Variants in LRP1B observed in about 807,000 individuals in gnomAD.
LRP1B encodes low-density lipoprotein receptor-related protein 1B.
Under a neutral mutation model 556.6 loss-of-function variants are expected in LRP1B, and 217 were observed. The observed-to-expected ratio is 0.39, with a 90% CI of 0.35 to 0.44. LRP1B has a LOEUF of 0.44. Ranked by LOEUF, LRP1B falls within the 20% of genes least tolerant of loss-of-function variation. The pLI is 1.00. For missense variants in LRP1B, 5,053 were observed against 5,620.8 expected (o/e 0.90, Z 3.23); for synonymous variants, 2,047 against 1,865.8 (o/e 1.10, Z -2.50).
chr2:140,973,210 C>T (rs928002075), intron 18 of LRP1B, among the ~76,000 whole-genome samples: 3 of 151,512 alleles, frequency 2.0e-5, no homozygotes, highest in Non-Finnish European at 4.4e-5. Flanking sequence ...ACTATAGCTA[C>T]AGAATTCTAA....
At chr2:140,932,316 AGCAAGCT>A (rs1695073580) in intron 20 of LRP1B, among the ~76,000 whole-genome samples, 1 of 152,156 alleles carries the variant, frequency 6.6e-6, no homozygotes, top group African/African-American at 2.4e-5. Flanking sequence ...ATGAGGGGTC[AGCAAGCT>A]GCAACCTGCA....
intron 7 of LRP1B, among the ~76,000 whole-genome samples, chr2:141,161,470 T>C (rs1680031354): frequency 1.3e-5 from 2 of 152,130 alleles, no homozygotes; most frequent in South Asian, 4.1e-4. Flanking sequence ...ATATCAGAAA[T>C]AATGAAGTCA....
At chr2:141,482,704 G>T (rs961851959) in intron 2 of LRP1B, among the ~76,000 whole-genome samples, 7 of 151,900 alleles carry the variant, frequency 4.6e-5, no homozygotes, top group Non-Finnish European at 1.0e-4. Context: ...AAACTTCTAT[G>T]ACCAACATCA....
chr2:141,195,088 A>T (rs947333650), intron 6 of LRP1B, among the ~76,000 whole-genome samples: 2 of 152,146 alleles, frequency 1.3e-5, no homozygotes, highest in Non-Finnish European at 2.9e-5. Flanking sequence ...TTGTTCTTCT[A>T]CTGAACAGAA....
intron 5 of LRP1B, among the ~76,000 whole-genome samples, chr2:141,236,704 C>T (rs1683658107): frequency 6.6e-6 from 1 of 152,116 alleles, no homozygotes; most frequent in African/African-American, 2.4e-5. Flanking sequence ...GTCTTACACA[C>T]TGCCTTCAAA....
intron 3 of LRP1B, among the ~76,000 whole-genome samples, chr2:141,424,677 T>C (rs7569009): frequency 0.46 from 69,720 of 152,072 alleles, 16,141 homozygotes; most frequent in East Asian, 0.6. Context: ...TCTAGCACTA[T>C]ATTAATCTCA....
chr2:142,107,224 C>T (rs1417275715), intron 1 of LRP1B, among the ~76,000 whole-genome samples: 2 of 152,008 alleles, frequency 1.3e-5, no homozygotes, highest in African/African-American at 4.8e-5. Flanking sequence ...TAAATGTGTC[C>T]CCTAAAGTTT....
rs959094109 is a variant in LRP1B at position 141,903,342 on chromosome 2, C to G, written c.83-92941G>C. Among the ~76,000 whole-genome samples the G allele has an allele frequency of 2.0e-5, 3 of 151,872 alleles. No individual in the cohort carries two copies. In the East Asian group the frequency reaches 5.8e-4, roughly 29 times the overall value. On this transcript the variant is annotated intron_variant, in intron 1 of 90. Transcript: ENST00000389484. ...GCTGTGCAACAAGCCATTGTTAAAT[C>G]TGGATTGGATTCTGGGCTTCCAGCT...
At position 140,700,656 on chromosome 2, in the gene LRP1B, TTA is replaced by T. The variant is rs750005286; in HGVS notation, c.6428-37_6428-36del. 9 of 1,585,900 alleles carry T rather than the reference TTA, an allele frequency of 5.7e-6. No homozygotes were observed. In the African/African-American group the frequency reaches 1.1e-4, roughly 19 times the overall value. On this transcript the variant is annotated intron_variant, in intron 40 of 90. Transcript: ENST00000389484. ...AAAAATGATACACACATGCACATGT[TTA>T]TGTTTTTCTTTTGTTTTTGAAACAA...
intron 43 of LRP1B, among the ~76,000 whole-genome samples, chr2:140,551,396 CCAA>C (rs377171771): frequency 4.6e-5 from 7 of 152,080 alleles, no homozygotes; most frequent in Admixed American, 1.3e-4. Flanking sequence ...GGTGCAAAAT[CCAA>C]CAACAACAGG....
At chr2:141,023,620 A>G (rs1698131387) in intron 11 of LRP1B, among the ~76,000 whole-genome samples, 1 of 151,994 alleles carries the variant, frequency 6.6e-6, no homozygotes, top group South Asian at 2.1e-4. Flanking sequence ...CTAAAGTTTT[A>G]TATACTTAAA....
chr2:140,447,837 G>A lies in LRP1B; in HGVS notation c.10057+2731C>T, dbSNP rs112394482. On this transcript the variant is annotated intron_variant, in intron 63 of 90. Coordinates refer to ENST00000389484, the MANE Select transcript of LRP1B (RefSeq NM_018557.3). ...CTGGAACACTTAGAGACCATTGTGG[G>A]CTATTAGTTGACCTAATTTTAGTAT... Among the ~76,000 whole-genome samples, 764 of 152,082 alleles carry A rather than the reference G, an allele frequency of 5.0e-3. 9 individuals carry two copies. The highest frequency in any genetic ancestry group is 0.016 in the African/African-American group (658 of 41,496).
rs72981947 is a variant in LRP1B at position 141,206,113 on chromosome 2, T to C, written c.851-17530A>G. On this transcript the variant is annotated intron_variant, in intron 6 of 90. Transcript: ENST00000389484. Reference sequence around the variant, plus strand: ...ATGACATAACTGTGAATAAAAATAATGTGAGGAAGTGTACTATTCACACAC... The same window carrying C: ...ATGACATAACTGTGAATAAAAATAACGTGAGGAAGTGTACTATTCACACAC... Among the ~76,000 whole-genome samples, 623 of 140,528 alleles carry C rather than the reference T, an allele frequency of 4.4e-3. 4 individuals carry two copies. The highest frequency in any genetic ancestry group is 0.015 in the African/African-American group (568 of 36,982). The allele number at this position is 140,528 out of a possible 152,430, so 92.2% of individuals were successfully genotyped here.
chr2:141,387,431 C>G (rs1259498330), intron 3 of LRP1B, among the ~76,000 whole-genome samples: 2 of 151,426 alleles, frequency 1.3e-5, no homozygotes, highest in Non-Finnish European at 2.9e-5. Flanking sequence ...TTTAGCTGTA[C>G]AACAAGGGGA....
At chr2:141,111,793 G>C (rs867007467) in intron 7 of LRP1B, among the ~76,000 whole-genome samples, 1 of 152,072 alleles carries the variant, frequency 6.6e-6, no homozygotes, top group Admixed American at 6.6e-5. Flanking sequence ...GCTCACGCCT[G>C]TAATCCCAGC....
intron 66 of LRP1B, among the ~76,000 whole-genome samples, chr2:140,388,324 T>C (rs1271202886): frequency 6.6e-6 from 1 of 152,174 alleles, no homozygotes; most frequent in African/African-American, 2.4e-5. Context: ...ATAGCCCATG[T>C]AATCCAGTTT....
intron 1 of LRP1B, among the ~76,000 whole-genome samples, chr2:141,991,380 T>A (rs1034320866): frequency 6.6e-6 from 1 of 152,010 alleles, no homozygotes; most frequent in African/African-American, 2.4e-5. Context: ...GTTTTGTAAT[T>A]ATCAATAATT....
intron 2 of LRP1B, among the ~76,000 whole-genome samples, chr2:141,693,763 C>A (rs1220910700): frequency 6.6e-6 from 1 of 151,978 alleles, no homozygotes; most frequent in Non-Finnish European, 1.5e-5. Context: ...CTTATCAATG[C>A]CCCTTCTCAG....
At chr2:141,267,430 T>C (rs1376693777) in intron 3 of LRP1B, among the ~76,000 whole-genome samples, 1 of 152,120 alleles carries the variant, frequency 6.6e-6, no homozygotes, top group Non-Finnish European at 1.5e-5. Context: ...AATGCTGAGA[T>C]ATGAGCCAGT....
Sources: allele counts gnomAD v4.1 joint callset (sites outside exome capture counted in the v4.1 genomes callset), GRCh38; gene constraint gnomAD v4.1.1; transcripts MANE v1.5; gene names NCBI Gene and HGNC (gene_info 2026-07-23, HGNC 2026-07-21).